The following PPM1H variants were observed in gnomAD, a reference collection of about 807,000 sequenced individuals.
PPM1H encodes protein phosphatase 1H.
PPM1H carries 27 observed loss-of-function variants against 54.9 expected under a neutral mutation model. That is an observed-to-expected ratio of 0.49 (90% CI 0.36 to 0.68). PPM1H has a LOEUF of 0.68. Among genes scored for constraint, PPM1H ranks in the 30% least tolerant of loss-of-function variants. PPM1H has a pLI of 0.00. For missense variants in PPM1H, 596 were observed against 667.8 expected, an observed-to-expected ratio of 0.89 and a Z score of 1.19; for synonymous variants, 305 against 270.8, an observed-to-expected ratio of 1.13 and a Z score of -1.24.
At chr12:62,677,764 G>A (rs2075996162) in intron 8 of PPM1H, among the ~76,000 whole-genome samples, 1 of 152,216 alleles carries the variant, frequency 6.6e-6, no homozygotes, top group Non-Finnish European at 1.5e-5. Context: ...GATGCCACCA[G>A]CCACAGTGGT....
At chr12:62,779,359 T>C (rs1170785005) in intron 4 of PPM1H, among the ~76,000 whole-genome samples, 2 of 152,198 alleles carry the variant, frequency 1.3e-5, no homozygotes, top group African/African-American at 2.4e-5. Context: ...AAACATAATA[T>C]TTCATGGACA....
intron 2 of PPM1H, among the ~76,000 whole-genome samples, chr12:62,804,449 T>C (rs1389817742): frequency 2.0e-5 from 3 of 152,190 alleles, no homozygotes; most frequent in Admixed American, 6.5e-5. Context: ...TCATGTTTCA[T>C]GTGCTTGGAG....
Position 62,802,022 on chromosome 12 carries a change from A to G in PPM1H, c.550T>C (p.Ser184Pro). Residue 184 changes from serine to proline, a missense_variant, in exon 3 of 10, where the codon TCC (serine) becomes CCC (proline). By Grantham distance (74) the Ser-to-Pro change is moderately conservative. Transcript: ENST00000228705. ...LQDIVDILKN[S>P]AVLPPTCLGE... ...AGGCAGGTAGGGGGCAGGACGGCGG[A>G]GTTCTTCAGGATGTCCACGATGTCC... The G allele has an allele frequency of 6.2e-7, 1 of 1,613,376 alleles. No individual in the cohort carries two copies. Among genetic ancestry groups the G allele is most frequent in the Non-Finnish European group, 8.5e-7 (1 of 1,179,754 alleles).
At chr12:62,723,384 C>A (rs1284157860) in intron 5 of PPM1H, among the ~76,000 whole-genome samples, 1 of 151,750 alleles carries the variant, frequency 6.6e-6, no homozygotes, top group Non-Finnish European at 1.5e-5. Context: ...AAGTTGGGAA[C>A]CATCTGTTTA....
intron 8 of PPM1H, among the ~76,000 whole-genome samples, chr12:62,686,990 A>G (rs963822649): frequency 6.6e-6 from 1 of 152,214 alleles, no homozygotes; most frequent in Non-Finnish European, 1.5e-5. Context: ...ACAAATACAC[A>G]GGCTGGGAAG....
At chr12:62,661,994 A>G (rs1320125031) in intron 9 of PPM1H, among the ~76,000 whole-genome samples, 1 of 152,190 alleles carries the variant, frequency 6.6e-6, no homozygotes, top group Admixed American at 6.5e-5. Flanking sequence ...TCTTCCCCGA[A>G]AGGCATACAG....
In PPM1H at chr12:62,653,052, T is replaced by C. The variant is rs549505939; in HGVS notation, c.1398-4416A>G. Among the ~76,000 whole-genome samples the C allele has an allele frequency of 3.9e-5, 6 of 152,284 alleles. No individual in the cohort carries two copies. The South Asian group carries it at 1.2e-3, about 32-fold the overall frequency. ...ATTTTCCCTCAGCAGTTTGAAGACA[T>C]TATTCTGCTTACTTCTGACTTCTAC... is the stretch of plus-strand genomic sequence containing the variant. On this transcript the variant is annotated intron_variant, in intron 9 of 9. Coordinates refer to ENST00000228705, the MANE Select transcript of PPM1H (RefSeq NM_020700.2).
At chr12:62,880,869 A>G (rs1421113688) in intron 1 of PPM1H, among the ~76,000 whole-genome samples, 2 of 151,978 alleles carry the variant, frequency 1.3e-5, no homozygotes, top group Non-Finnish European at 2.9e-5. Context: ...TCTAACTACC[A>G]TGCATATGTT....
intron 1 of PPM1H, among the ~76,000 whole-genome samples, chr12:62,915,366 G>A (rs1193450830): frequency 6.6e-6 from 1 of 152,232 alleles, no homozygotes; most frequent in African/African-American, 2.4e-5. Context: ...GTCTGCTCCA[G>A]CACTGGCTCT....
intron 2 of PPM1H, among the ~76,000 whole-genome samples, chr12:62,818,512 T>G (rs2076883591): frequency 6.6e-6 from 1 of 152,190 alleles, no homozygotes; most frequent in South Asian, 2.1e-4. Flanking sequence ...TACAGCAGCT[T>G]TCCTAAGAGA....
chr12:62,720,329 G>GT, intron 5 of PPM1H, 40 bp from the exon 6 acceptor site: 1 of 1,411,992 alleles, frequency 7.1e-7, no homozygotes. Flanking sequence ...ACACATACAC[G>GT]TATTTAGAGA....
At chr12:62,839,720 T>A (rs1868652979) in intron 1 of PPM1H, among the ~76,000 whole-genome samples, 1 of 151,556 alleles carries the variant, frequency 6.6e-6, no homozygotes, top group African/African-American at 2.4e-5. Flanking sequence ...AAGGACCCTA[T>A]AGTCATTTAT....
At chr12:62,702,095 T>C (rs945292230) in intron 6 of PPM1H, among the ~76,000 whole-genome samples, 2 of 152,232 alleles carry the variant, frequency 1.3e-5, no homozygotes, top group Non-Finnish European at 2.9e-5. Flanking sequence ...TCTGCCTTAA[T>C]AGCTAGCTTT....
chr12:62,716,707 T>G (rs148227271), intron 6 of PPM1H, among the ~76,000 whole-genome samples: 76 of 152,182 alleles, frequency 5.0e-4, no homozygotes, highest in African/African-American at 1.7e-3. Context: ...AAAAAAAATT[T>G]GTTATAGAGA....
chr12:62,802,746 AT>A (rs887846791), intron 2 of PPM1H, among the ~76,000 whole-genome samples: 15 of 150,956 alleles, frequency 9.9e-5, no homozygotes, highest in Non-Finnish European at 3.0e-5. Flanking sequence ...CACCAGGCTA[AT>A]TTTTTTTTGT....
rs762157400 is a variant in PPM1H at position 62,667,304 on chromosome 12, T to C, written c.1271A>G (p.Tyr424Cys). Residue 424 changes from tyrosine to cysteine, a missense_variant, in exon 9 of 10, where the codon TAT (tyrosine) becomes TGT (cysteine). Coordinates refer to ENST00000228705, the MANE Select transcript of PPM1H (RefSeq NM_020700.2). Reference protein sequence around the residue: ...PEVRIYDLSKYDHGSDDVLIL... With the variant: ...PEVRIYDLSKCDHGSDDVLIL... The stretch of plus-strand genomic sequence containing the variant: ...CAGCACATCATCTGATCCATGATCA[T>C]ATTTTGAAAGATCGTAGATTCTTAC... 4.4e-6 allele frequency: 7 copies of C among 1,602,032 alleles called. No individual in the cohort carries two copies. The highest frequency in any genetic ancestry group is 2.2e-5 in the East Asian group (1 of 44,778).
intron 8 of PPM1H, among the ~76,000 whole-genome samples, chr12:62,678,138 G>C (rs1009563415): frequency 6.6e-6 from 1 of 152,066 alleles, no homozygotes; most frequent in African/African-American, 2.4e-5. Context: ...TTAGAGACAG[G>C]GTCTCACTAT....
intron 2 of PPM1H, among the ~76,000 whole-genome samples, chr12:62,821,218 GAGAAAAAAA>G (rs2076901558): frequency 6.6e-6 from 1 of 151,996 alleles, no homozygotes; most frequent in Admixed American, 6.5e-5. Flanking sequence ...GAGAAGTTTA[GAGAAAAAAA>G]AGTAAAAAGA....
At chr12:62,694,953 A>G (rs1324110231) in intron 6 of PPM1H, among the ~76,000 whole-genome samples, 1 of 152,210 alleles carries the variant, frequency 6.6e-6, no homozygotes, top group Non-Finnish European at 1.5e-5. Context: ...CTTCAAAGTT[A>G]TTTAAAAGAC....
Sources: allele counts gnomAD v4.1 joint callset (sites outside exome capture counted in the v4.1 genomes callset), GRCh38; gene constraint gnomAD v4.1.1; transcripts MANE v1.5; gene names NCBI Gene and HGNC (gene_info 2026-07-23, HGNC 2026-07-21).